SLC14A2: variants seen among roughly 807,000 people sequenced by gnomAD.
SLC14A2 encodes urea transporter 2.
Under a neutral mutation model 104.6 loss-of-function variants are expected in SLC14A2, and 91 were observed. That is an observed-to-expected ratio of 0.87 (90% CI 0.73 to 1.04). SLC14A2 has a LOEUF of 1.04. Ranked by LOEUF, SLC14A2 falls within the 50% of genes least tolerant of loss-of-function variation. SLC14A2 has a pLI of 0.00. For missense variants in SLC14A2, 1,189 were observed against 1,156.0 expected (o/e 1.03, Z -0.41); for synonymous variants, 476 against 466.4 (o/e 1.02, Z -0.27).
At position 45,641,323 on chromosome 18, in the gene SLC14A2, A is replaced by T; in HGVS notation, c.1106A>T (p.His369Leu). 1 of 1,614,134 alleles carries T rather than the reference A, an allele frequency of 6.2e-7. No individual in the cohort carries two copies. The highest frequency in any genetic ancestry group is 8.5e-7 in the Non-Finnish European group (1 of 1,180,010). Reference sequence around the variant, plus strand: ...TTCTATGCCCTCACCTGGCAGACTCACCTGCTGGCCCTCATCTGTGGTAGG... The same window carrying T: ...TTCTATGCCCTCACCTGGCAGACTCTCCTGCTGGCCCTCATCTGTGGTAGG... ...GMFYALTWQT[H>L]LLALICALFC... The change falls in exon 8 of 20, where the codon CAC (histidine) becomes CTC (leucine). Residue 369 changes from histidine (H) to leucine (L), a missense_variant. Physicochemically the swap from His to Leu is moderately conservative, Grantham distance 99. Coordinates refer to ENST00000255226, the MANE Select transcript of SLC14A2 (RefSeq NM_007163.4).
chr18:45,283,638 C>T (rs867056177), intron 1 of SLC14A2, among the ~76,000 whole-genome samples: 3 of 152,234 alleles, frequency 2.0e-5, no homozygotes, highest in Non-Finnish European at 4.4e-5. Context: ...TTTTCTCAGA[C>T]TTCTACACTG....
rs551194588 is a variant in SLC14A2, at chr18:45,518,354, C to T, written c.-35+35032C>T. 1.8e-4 allele frequency among the ~76,000 whole-genome samples: 28 copies of T among 152,228 alleles called. No homozygotes were observed. The East Asian group carries it at 5.0e-3, about 27-fold the overall frequency. On this transcript the variant is annotated intron_variant, in intron 2 of 20. Transcript: ENST00000586448. ...ATTACACATCCATTGTTTACATGTA[C>T]CCAGTGTCAAACTCCATCTAACTCC...
chr18:45,575,800 T>G (rs1042206790), intron 2 of SLC14A2, among the ~76,000 whole-genome samples: 1 of 152,078 alleles, frequency 6.6e-6, no homozygotes, highest in African/African-American at 2.4e-5. Flanking sequence ...TTTTTTTTTT[T>G]TTTCTTCCCA....
At chr18:45,586,961 A>G (rs1000827615) in intron 2 of SLC14A2, among the ~76,000 whole-genome samples, 1 of 152,120 alleles carries the variant, frequency 6.6e-6, no homozygotes, top group Non-Finnish European at 1.5e-5. Context: ...TGTCCTTACT[A>G]GAAAAAAAAA....
intron 10 of SLC14A2, among the ~76,000 whole-genome samples, chr18:45,648,447 C>T (rs781320038): frequency 5.9e-5 from 9 of 151,940 alleles, no homozygotes; most frequent in Admixed American, 1.3e-4. Context: ...CCTCGTGATT[C>T]GCCCACCTCG....
chr18:45,442,772 G>A (rs1372597853), intron 1 of SLC14A2, among the ~76,000 whole-genome samples: 2 of 152,106 alleles, frequency 1.3e-5, no homozygotes, highest in Non-Finnish European at 2.9e-5. Flanking sequence ...GTTCCATAAA[G>A]GAAGCTACTA....
chr18:45,285,675 TC>T (rs1568135423), intron 1 of SLC14A2, among the ~76,000 whole-genome samples: 2 of 46,154 alleles, frequency 4.3e-5, no homozygotes, highest in African/African-American at 1.1e-4. Flanking sequence ...CCCCCCCCCC[TC>T]GGCCTCCCAA....
intron 1 of SLC14A2, among the ~76,000 whole-genome samples, chr18:45,277,788 T>A (rs2084718416): frequency 6.6e-6 from 1 of 152,212 alleles, no homozygotes. Context: ...TAACACAGGA[T>A]ATGATATACA....
At position 45,521,093 on chromosome 18, in the gene SLC14A2, A is replaced by T. The variant is rs1451484748; in HGVS notation, c.-35+37771A>T. 3.3e-5 allele frequency among the ~76,000 whole-genome samples: 5 copies of T among 152,288 alleles called. 1 individual carries two copies. Among genetic ancestry groups the T allele is most frequent in the Middle Eastern group, 6.8e-3 (2 of 294 alleles). On this transcript the variant is annotated intron_variant, in intron 2 of 20. Coordinates refer to the SLC14A2 transcript ENST00000586448. ...CCTGGAAACATGACCTGCACCTCCC[A>T]TCACCTCAGTTCTACATCAAGTGAC...
At chr18:45,277,957 A>C (rs999896840) in intron 1 of SLC14A2, among the ~76,000 whole-genome samples, 137 of 151,732 alleles carry the variant, frequency 9.0e-4, no homozygotes, top group Middle Eastern at 6.8e-3. Flanking sequence ...CTTTTACTCC[A>C]CCTCCCCCTC....
chr18:45,521,285 C>T (rs1408287262), intron 2 of SLC14A2, among the ~76,000 whole-genome samples: 1 of 152,230 alleles, frequency 6.6e-6, no homozygotes, highest in Non-Finnish European at 1.5e-5. Flanking sequence ...GGTTAAATGA[C>T]TCATTCCAAG....
At chr18:45,655,577 G>T (rs1481916432) in intron 10 of SLC14A2, among the ~76,000 whole-genome samples, 2 of 152,228 alleles carry the variant, frequency 1.3e-5, no homozygotes, top group Non-Finnish European at 2.9e-5. Context: ...TACAGGGAAA[G>T]AGTGCTGGGA....
chr18:45,271,093 T>C (rs2084646507), intron 1 of SLC14A2, among the ~76,000 whole-genome samples: 1 of 152,206 alleles, frequency 6.6e-6, no homozygotes, highest in African/African-American at 2.4e-5. Context: ...GAAGCTTAGA[T>C]GGTGGATCCC....
At chr18:45,608,785 T>C (rs947945704) in intron 2 of SLC14A2, among the ~76,000 whole-genome samples, 1 of 152,218 alleles carries the variant, frequency 6.6e-6, no homozygotes, top group African/African-American at 2.4e-5. Context: ...GTAGCTTCTT[T>C]GGGAAGTAGC....
intron 2 of SLC14A2, among the ~76,000 whole-genome samples, chr18:45,516,001 T>C (rs2043435230): frequency 1.3e-5 from 2 of 152,232 alleles, no homozygotes; most frequent in Non-Finnish European, 2.9e-5. Context: ...TTAGTATTAA[T>C]AACTATTTGA....
At chr18:45,415,125 A>T (rs1330541418) in intron 1 of SLC14A2, among the ~76,000 whole-genome samples, 1 of 152,122 alleles carries the variant, frequency 6.6e-6, no homozygotes, top group Admixed American at 6.6e-5. Flanking sequence ...GACATGAGCC[A>T]GGTATGTAGC....
intron 2 of SLC14A2, among the ~76,000 whole-genome samples, chr18:45,595,790 C>T (rs2044712097): frequency 6.6e-6 from 1 of 152,170 alleles, no homozygotes; most frequent in Admixed American, 6.5e-5. Context: ...CTTCCCTGCT[C>T]CCCGGCTTCC....
At chr18:45,411,506 T>C (rs75477684) in intron 1 of SLC14A2, among the ~76,000 whole-genome samples, 6,357 of 152,272 alleles carry the variant, frequency 0.042, 216 homozygotes, top group Admixed American at 0.091. Context: ...GTCTTCCCCA[T>C]ATCACACAGA....
chr18:45,570,864 GAAC>G (rs71795352), intron 2 of SLC14A2, among the ~76,000 whole-genome samples: 12,774 of 152,254 alleles, frequency 0.084, 707 homozygotes, highest in Non-Finnish European at 0.12. Context: ...CACTAGAATA[GAAC>G]AACATAAAAC....
Sources: gnomAD v4.1 joint callset for allele counts (sites outside exome capture counted in the v4.1 genomes callset) on GRCh38, gnomAD v4.1.1 for gene constraint, MANE v1.5 for transcripts, NCBI Gene and HGNC (gene_info 2026-07-23, HGNC 2026-07-21) for gene names.